DNAH14: variants seen among roughly 807,000 people sequenced by gnomAD.
DNAH14 encodes axonemal beta dynein heavy chain 14.
DNAH14 carries 478 observed loss-of-function variants against 520.9 expected under a neutral mutation model. The ratio of observed to expected loss-of-function variants is 0.92; its 90% confidence interval spans 0.85 to 0.99. DNAH14 has a LOEUF of 0.99. Among genes scored for constraint, DNAH14 ranks in the 50% least tolerant of loss-of-function variants. The pLI is 0.00. For missense variants in DNAH14, 4,831 were observed against 5,234.5 expected (o/e 0.92, Z 2.38); for synonymous variants, 1,581 against 1,757.2 (o/e 0.90, Z 2.51).
At chr1:225,182,008 G>A (rs577642698) in intron 36 of DNAH14, among the ~76,000 whole-genome samples, 26 of 152,178 alleles carry the variant, frequency 1.7e-4, no homozygotes, top group African/African-American at 6.0e-4. Flanking sequence ...CCAACATGGT[G>A]AAACCCTGTC....
At chr1:225,336,745 T>A (rs1240295029) in intron 66 of DNAH14, among the ~76,000 whole-genome samples, 1 of 152,220 alleles carries the variant, frequency 6.6e-6, no homozygotes, top group African/African-American at 2.4e-5. Flanking sequence ...TAGCTCTGCT[T>A]CTTATTCTGA....
intron 15 of DNAH14, among the ~76,000 whole-genome samples, chr1:225,047,642 C>T (rs2068082497): frequency 6.6e-6 from 1 of 152,102 alleles, no homozygotes; most frequent in African/African-American, 2.4e-5. Context: ...AGAATATATC[C>T]CTGTCATTAA....
chr1:224,936,035 C>T (rs143717313), intron 1 of DNAH14, among the ~76,000 whole-genome samples: 2 of 151,584 alleles, frequency 1.3e-5, no homozygotes, highest in African/African-American at 2.4e-5. Flanking sequence ...GGAAACATAA[C>T]GTACCCAAAC....
At chr1:225,080,146 T>C (rs1255647144) in intron 18 of DNAH14, among the ~76,000 whole-genome samples, 2 of 152,176 alleles carry the variant, frequency 1.3e-5, no homozygotes, top group African/African-American at 2.4e-5. Context: ...ACTTTTACCA[T>C]AGGCTTCAAG....
At chr1:225,134,210 C>T (rs1021936588) in intron 27 of DNAH14, among the ~76,000 whole-genome samples, 1 of 152,006 alleles carries the variant, frequency 6.6e-6, no homozygotes, top group Non-Finnish European at 1.5e-5. Flanking sequence ...ATTTGAATAC[C>T]CTTTATTTCT....
At chr1:225,140,091 C>T (rs756587432) in intron 27 of DNAH14, among the ~76,000 whole-genome samples, 1 of 152,138 alleles carries the variant, frequency 6.6e-6, no homozygotes, top group South Asian at 2.1e-4. Context: ...ATCTTGATAG[C>T]TCTTATGTTT....
chr1:225,203,408 T>C (rs1303738579), intron 38 of DNAH14, among the ~76,000 whole-genome samples: 2 of 152,200 alleles, frequency 1.3e-5, no homozygotes, highest in Admixed American at 6.5e-5. Context: ...TGCTGGGACC[T>C]GGTTGAAACA....
intron 23 of DNAH14, among the ~76,000 whole-genome samples, chr1:225,101,850 T>C (rs1205027494): frequency 6.6e-6 from 1 of 152,122 alleles, no homozygotes; most frequent in African/African-American, 2.4e-5. Flanking sequence ...AGTATACTGA[T>C]TTCCTTTCTT....
intron 64 of DNAH14, among the ~76,000 whole-genome samples, chr1:225,330,795 A>G (rs1364693887): frequency 4.6e-5 from 7 of 152,194 alleles, no homozygotes; most frequent in African/African-American, 1.7e-4. Context: ...ACTTAAAATA[A>G]AGAGTATAAT....
chr1:225,340,670 A>G lies in DNAH14; in HGVS notation c.10647A>G (p.Glu3549=). 2 of 1,551,394 alleles carry G rather than the reference A, an allele frequency of 1.3e-6. No homozygotes were observed. Among genetic ancestry groups the G allele is most frequent in the Admixed American group, 2.0e-5 (1 of 51,008 alleles). The change falls in exon 69 of 86, where the codon GAA becomes GAG. Residue 3549 remains glutamate, a synonymous_variant. Coordinates refer to ENST00000682510, the MANE Select transcript of DNAH14 (RefSeq NM_001367479.1). Reference sequence around the variant, plus strand: ...CCATAACTCTTGAAGAACTAGAGGAAAAAACATTAAATTTACTGCAGAAAG... The same window carrying G: ...CCATAACTCTTGAAGAACTAGAGGAGAAAACATTAAATTTACTGCAGAAAG... ...LDAITLEELE[E]KTLNLLQKAL...
chr1:225,207,360 GGAACAAAT>G, intron 41 of DNAH14, 140 bp downstream of exon 41: 1 of 808,338 alleles, frequency 1.2e-6, no homozygotes, highest in Non-Finnish European at 1.8e-6. Context: ...ATATGCACAT[GGAACAAAT>G]TAAAAACCAT....
At chr1:225,268,775 T>G (rs785384) in intron 49 of DNAH14, among the ~76,000 whole-genome samples, 30,038 of 151,840 alleles carry the variant, frequency 0.2, 3,092 homozygotes, top group East Asian at 0.37. Context: ...TTACAAGGGA[T>G]GTGAAGGACC....
At chr1:225,088,814 AC>A (rs2074062009) in intron 21 of DNAH14, among the ~76,000 whole-genome samples, 1 of 152,218 alleles carries the variant, frequency 6.6e-6, no homozygotes, top group Admixed American at 6.5e-5. Context: ...ATTAAAAACA[AC>A]TTTAAGTTAA....
Position 225,167,977 on chromosome 1 carries a change from A to C in DNAH14, c.5484A>C (p.Gln1828His). The C allele has an allele frequency of 6.5e-7, 1 of 1,539,280 alleles. No homozygotes were observed. Among genetic ancestry groups the C allele is most frequent in the Non-Finnish European group, 8.8e-7 (1 of 1,141,460 alleles). ...IYTATQQLGL[Q>H]NWSSQKEKII... ...CTGCAACTCAGCAATTGGGTTTACA[A>C]AACTGGTCATCTCAGAAAGAGAAGA... The change falls in exon 36 of 86, where the codon CAA (glutamine) becomes CAC (histidine). Residue 1828 changes from glutamine to histidine, a missense_variant. Coordinates refer to ENST00000682510, the MANE Select transcript of DNAH14 (RefSeq NM_001367479.1).
chr1:225,388,291 G>A, intron 81 of DNAH14, 88 bp from the exon 82 acceptor site: 1 of 654,554 alleles, frequency 1.5e-6, no homozygotes, highest in East Asian at 2.8e-5. Context: ...CCTGGCAATT[G>A]AGTCTATTAC....
intron 36 of DNAH14, among the ~76,000 whole-genome samples, chr1:225,183,849 A>G (rs1166053340): frequency 6.6e-6 from 1 of 152,114 alleles, no homozygotes; most frequent in Admixed American, 6.5e-5. Context: ...CTAGAAACAA[A>G]CAAACCTCCC....
At chr1:225,159,701 CTT>C (rs1399754456) in intron 35 of DNAH14, among the ~76,000 whole-genome samples, 1 of 152,052 alleles carries the variant, frequency 6.6e-6, no homozygotes, top group East Asian at 1.9e-4. Flanking sequence ...AACCATGTAC[CTT>C]TAGGCAAGGA....
At position 225,257,981 on chromosome 1, in the gene DNAH14, T is replaced by C. The variant is rs1376866625; in HGVS notation, c.6887T>C (p.Leu2296Pro). 33 of 1,549,300 alleles carry C rather than the reference T, an allele frequency of 2.1e-5. No homozygotes were observed. The highest frequency in any genetic ancestry group is 9.8e-5 in the East Asian group (4 of 40,768). Residue 2296 changes from leucine to proline, a missense_variant, in exon 45 of 86, where the codon CTT becomes CCT. By Grantham distance (98) the Leu-to-Pro change is moderately conservative. Transcript: ENST00000682510. ...TTAGGAACTTCATTACTAACTAATC[T>C]TCAAAGATCTGGCGGAAACTTCTTG... ...IQRGTSLLTNLQRSGGNFLKI... is the reference protein window; with the variant it reads ...IQRGTSLLTNPQRSGGNFLKI...
chr1:225,334,836 T>G (rs186737734), intron 66 of DNAH14, among the ~76,000 whole-genome samples: 170 of 151,702 alleles, frequency 1.1e-3, no homozygotes, highest in Middle Eastern at 0.01. Context: ...GCCATTGCAC[T>G]CCAGCATGGG....
Sources: gnomAD v4.1 joint callset for allele counts (sites outside exome capture counted in the v4.1 genomes callset) on GRCh38, gnomAD v4.1.1 for gene constraint, MANE v1.5 for transcripts, NCBI Gene and HGNC (gene_info 2026-07-23, HGNC 2026-07-21) for gene names.